The following HMG20A variants were observed in gnomAD, a reference collection of about 807,000 sequenced individuals.
HMG20A encodes the protein high mobility group 20A.
Under a neutral mutation model 43.9 loss-of-function variants are expected in HMG20A, and 17 were observed. That is an observed-to-expected ratio of 0.39 (90% CI 0.27 to 0.58). The LOEUF is 0.58. Among genes scored for constraint, HMG20A ranks in the 20% least tolerant of loss-of-function variants. The probability of loss-of-function intolerance (pLI) is 0.59; values close to 1 mark genes in which losing one functional copy is unlikely to be tolerated. For missense variants in HMG20A, 341 were observed against 438.2 expected (o/e 0.78, Z 1.98); for synonymous variants, 132 against 147.5 (o/e 0.89, Z 0.76).
At chr15:77,461,693 G>A (rs1013140680) in intron 2 of HMG20A, among the ~76,000 whole-genome samples, 5 of 152,174 alleles carry the variant, frequency 3.3e-5, no homozygotes, top group Non-Finnish European at 5.9e-5. Context: ...GAATTCCCAT[G>A]TGAATTCCCA....
chr15:77,507,878 G>A, the HMG20A span, among the ~76,000 whole-genome samples: 1 of 151,522 alleles, frequency 6.6e-6, no homozygotes, highest in African/African-American at 2.4e-5. Context: ...AGCATGTTGT[G>A]GGGGGGCGGT....
chr15:77,426,171 G>A (rs1167441834), intron 1 of HMG20A, among the ~76,000 whole-genome samples: 1 of 152,116 alleles, frequency 6.6e-6, no homozygotes, highest in African/African-American at 2.4e-5. Context: ...TTAGATAGTG[G>A]TGGTGGTTGC....
intron 1 of HMG20A, among the ~76,000 whole-genome samples, chr15:77,424,587 A>G (rs953742547): frequency 1.3e-5 from 2 of 152,168 alleles, no homozygotes; most frequent in African/African-American, 4.8e-5. Flanking sequence ...TACTCTGGCT[A>G]TTGTGATTTG....
chr15:77,440,328 GT>G (rs952048550), intron 1 of HMG20A, among the ~76,000 whole-genome samples: 18 of 152,148 alleles, frequency 1.2e-4, no homozygotes, highest in Admixed American at 3.9e-4. Context: ...GTGAACTTTT[GT>G]TGGTTTACAC....
At chr15:77,516,467 C>A in the HMG20A span, among the ~76,000 whole-genome samples, 1 of 152,144 alleles carries the variant, frequency 6.6e-6, no homozygotes, top group African/African-American at 2.4e-5. Flanking sequence ...CAGAGCAAGA[C>A]CCTGTGTTTG....
chr15:77,508,457 AGT>A, the HMG20A span, among the ~76,000 whole-genome samples: 1 of 152,268 alleles, frequency 6.6e-6, no homozygotes, highest in East Asian at 1.9e-4. Flanking sequence ...ATGAATAGTG[AGT>A]GTGAGCCCAT....
At chr15:77,494,940 G>T in the HMG20A span, among the ~76,000 whole-genome samples, 1 of 152,186 alleles carries the variant, frequency 6.6e-6, no homozygotes, top group South Asian at 2.1e-4. Flanking sequence ...AAGCAGCAAA[G>T]ACTTTTCTGC....
chr15:77,502,735 AG>A, the HMG20A span, among the ~76,000 whole-genome samples: 2 of 152,188 alleles, frequency 1.3e-5, no homozygotes, highest in African/African-American at 4.8e-5. Flanking sequence ...CGAGAGGCCA[AG>A]GCAAGAGGAT....
chr15:77,479,609 G>T, intron 9 of HMG20A: 1 of 241,060 alleles, frequency 4.1e-6, no homozygotes, highest in Admixed American at 5.3e-5. Context: ...ACTCAAGACA[G>T]TTTTTTCTTA....
chr15:77,474,370 C>G (rs1441266389), intron 6 of HMG20A, among the ~76,000 whole-genome samples: 1 of 152,140 alleles, frequency 6.6e-6, no homozygotes. Context: ...CCTCATTTTG[C>G]CAGTGAGGAA....
chr15:77,443,367 G>GATTATTATT (rs1491508412), intron 1 of HMG20A, among the ~76,000 whole-genome samples: 23 of 125,980 alleles, frequency 1.8e-4, no homozygotes, highest in Non-Finnish European at 3.0e-4. Context: ...TGATGATGAT[G>GATTATTATT]ATGATGATGA....
At chr15:77,474,140 T>C (rs769978720) in intron 6 of HMG20A, among the ~76,000 whole-genome samples, 1 of 152,118 alleles carries the variant, frequency 6.6e-6, no homozygotes, top group Non-Finnish European at 1.5e-5. Context: ...AAGGAGCCCA[T>C]GGAAAGGAGT....
In HMG20A at chr15:77,478,392, A is replaced by G; in HGVS notation, c.789A>G (p.Ala263=). The change falls in exon 8 of 10, where the codon GCA becomes GCG. Residue 263 remains alanine, a synonymous_variant. Transcript: ENST00000336216. The stretch of plus-strand genomic sequence containing the variant: ...AGCACGTGGAGAGCATGCGCACAGC[A>G]GTGGAGAAGCTGGAGGTGGATGTGA... ...LQKHVESMRT[A]VEKLEVDVIQ... The G allele has an allele frequency of 6.2e-7, 1 of 1,613,520 alleles. No individual in the cohort carries two copies. The highest frequency in any genetic ancestry group is 8.5e-7 in the Non-Finnish European group (1 of 1,180,030).
At chr15:77,478,707 G>A (rs1407511013) in intron 8 of HMG20A, among the ~76,000 whole-genome samples, 197 bp downstream of exon 8, 1 of 152,168 alleles carries the variant, frequency 6.6e-6, no homozygotes, top group Admixed American at 6.5e-5. Context: ...AGGCTCTCTG[G>A]TCATTCAAAT....
At chr15:77,463,749 G>A (rs1044998095) in intron 2 of HMG20A, among the ~76,000 whole-genome samples, 1 of 152,138 alleles carries the variant, frequency 6.6e-6, no homozygotes, top group Non-Finnish European at 1.5e-5. Flanking sequence ...GTCACTAAAC[G>A]CTATAATCCA....
intron 1 of HMG20A, among the ~76,000 whole-genome samples, chr15:77,434,278 C>T (rs2073521520): frequency 6.6e-6 from 1 of 151,992 alleles, no homozygotes; most frequent in African/African-American, 2.4e-5. Context: ...AACTGGAAAA[C>T]ACCTTTATGA....
chr15:77,481,784 C>A (rs1219856671), intron 9 of HMG20A, among the ~76,000 whole-genome samples: 6 of 152,144 alleles, frequency 3.9e-5, no homozygotes, highest in Admixed American at 3.9e-4. Flanking sequence ...GTTCCCCACA[C>A]CCCCAAAACT....
At chr15:77,428,607 C>G (rs115266328) in intron 1 of HMG20A, among the ~76,000 whole-genome samples, 1 of 152,010 alleles carries the variant, frequency 6.6e-6, no homozygotes, top group African/African-American at 2.4e-5. Flanking sequence ...TGGCTTTAGT[C>G]GGATATTATA....
chr15:77,489,750 A>G (rs1233788468), downstream of HMG20A, among the ~76,000 whole-genome samples: 1 of 152,222 alleles, frequency 6.6e-6, no homozygotes, highest in Non-Finnish European at 1.5e-5. Flanking sequence ...GAGGGTATAC[A>G]AAGGCTGAAA....
Sources: gnomAD v4.1 joint callset for allele counts (sites outside exome capture counted in the v4.1 genomes callset) on GRCh38, gnomAD v4.1.1 for gene constraint, MANE v1.5 for transcripts, NCBI Gene and HGNC (gene_info 2026-07-23, HGNC 2026-07-21) for gene names.